Variants in ITIH5 observed in about 807,000 individuals in gnomAD.
ITIH5 encodes inter-alpha-trypsin inhibitor heavy chain 5.
Under a neutral mutation model 77.5 loss-of-function variants are expected in ITIH5, and 65 were observed. The observed-to-expected ratio is 0.84, with a 90% CI of 0.69 to 1.03. The LOEUF is 1.03. Among genes scored for constraint, ITIH5 ranks in the 50% least tolerant of loss-of-function variants. The pLI is 0.00. For missense variants in ITIH5, 1,208 were observed against 1,213.1 expected, an observed-to-expected ratio of 1.00 and a Z score of 0.06; for synonymous variants, 525 against 494.3, an observed-to-expected ratio of 1.06 and a Z score of -0.82.
In ITIH5 at chr10:7,572,771, C is replaced by CTTTTTT. The variant is rs528912890; in HGVS notation, c.2032+365_2032+370dup. 7.3e-3 allele frequency: 647 copies of CTTTTTT among 88,264 alleles called. 23 individuals are homozygous for CTTTTTT. Among genetic ancestry groups the CTTTTTT allele is most frequent in the Non-Finnish European group, 8.7e-3 (410 of 47,208 alleles). 5.5% of individuals were successfully genotyped at this position (88,264 alleles called of 1,614,324 possible). On this transcript the variant is annotated intron_variant, in intron 11 of 13. Transcript: ENST00000397146. ...GCTTCAAGGAATTCTTGGTTTTACACTTTTTTTTTTTTTTTTTTTTTTTGA... is the reference window on the plus strand; with the variant it reads ...GCTTCAAGGAATTCTTGGTTTTACACTTTTTTTTTTTTTTTTTTTTTTTTTTTTTGA...
At chr10:7,610,190 T>G (rs1336482206) in intron 7 of ITIH5, among the ~76,000 whole-genome samples, 1 of 151,136 alleles carries the variant, frequency 6.6e-6, no homozygotes, top group African/African-American at 2.4e-5. Flanking sequence ...CAAACTCATC[T>G]GCAAAAGCAC....
intron 2 of ITIH5, among the ~76,000 whole-genome samples, chr10:7,642,339 A>G (rs1398094316): frequency 3.9e-5 from 6 of 152,186 alleles, no homozygotes; most frequent in Non-Finnish European, 7.3e-5. Context: ...CCTGACTTTA[A>G]CAAGTGAACA....
At chr10:7,566,724 T>TTA (rs1302520400) in intron 12 of ITIH5, among the ~76,000 whole-genome samples, 4 of 9,164 alleles carry the variant, frequency 4.4e-4, no homozygotes, top group African/African-American at 1.3e-3. Flanking sequence ...CCTATCTCAT[T>TTA]AAAAAAAAAA....
intron 1 of ITIH5, among the ~76,000 whole-genome samples, chr10:7,666,053 A>T (rs1834356353): frequency 6.6e-6 from 1 of 152,214 alleles, no homozygotes; most frequent in Non-Finnish European, 1.5e-5. Flanking sequence ...AAATATTTAA[A>T]TGGCATGTGT....
chr10:7,577,039 G>C, intron 9 of ITIH5, 27 bp from the exon 10 acceptor site: 3 of 1,577,610 alleles, frequency 1.9e-6, no homozygotes, highest in Non-Finnish European at 2.6e-6. Context: ...GGGAGGGAGG[G>C]AGATCAGGGC....
rs922970382 is a variant in ITIH5, at chr10:7,614,628, T to C, written c.939+1354A>G. On this transcript the variant is annotated intron_variant, in intron 7 of 13. Coordinates refer to ENST00000397146, the MANE Select transcript of ITIH5 (RefSeq NM_030569.7). The stretch of plus-strand genomic sequence containing the variant: ...GACAATAGTTAAACCCTAGTCTCAC[T>C]TCATATTTTGAAATATGTTTTTGCT... Among the ~76,000 whole-genome samples the C allele has an allele frequency of 5.9e-5, 9 of 152,312 alleles. No individual in the cohort carries two copies. The East Asian group carries it at 1.7e-3, about 29-fold the overall frequency.
At chr10:7,632,147 T>C (rs1564271287) in intron 5 of ITIH5, among the ~76,000 whole-genome samples, 1 of 152,168 alleles carries the variant, frequency 6.6e-6, no homozygotes, top group Non-Finnish European at 1.5e-5. Context: ...GATTTTGATA[T>C]AGTTAATATT....
chr10:7,606,858 T>C (rs1406901677), intron 7 of ITIH5, among the ~76,000 whole-genome samples: 1 of 152,242 alleles, frequency 6.6e-6, no homozygotes, highest in Non-Finnish European at 1.5e-5. Context: ...CTCTAATTTA[T>C]TTTAAATTAT....
At chr10:7,585,539 A>C (rs1832654978) in intron 8 of ITIH5, among the ~76,000 whole-genome samples, 1 of 152,210 alleles carries the variant, frequency 6.6e-6, no homozygotes, top group South Asian at 2.1e-4. Context: ...CGCACGAAAC[A>C]CTGGCTGGTC....
Position 7,637,229 on chromosome 10 carries a change from T to A in ITIH5, c.651A>T (p.Glu217Asp). ...ACGAACCCAGCACGCAGGACTCACC[T>A]TCCCCGCGCCCACTGCCCCTCTGCC... ...NSRQRGSGRGEDDSGPPPSTV... is the reference protein window; with the variant it reads ...NSRQRGSGRGDDDSGPPPSTV... Residue 217 changes from glutamate to aspartate, a missense_variant and splice_region_variant, in exon 5 of 14, where the codon GAA becomes GAT. Physicochemically the swap from Glu to Asp is conservative, Grantham distance 45. Coordinates refer to ENST00000397146, the MANE Select transcript of ITIH5 (RefSeq NM_030569.7). 1 of 1,606,238 alleles carries A rather than the reference T, an allele frequency of 6.2e-7. No homozygotes were observed. The highest frequency in any genetic ancestry group is 8.5e-7 in the Non-Finnish European group (1 of 1,179,648).
At chr10:7,581,693 T>C (rs1197180758) in intron 8 of ITIH5, among the ~76,000 whole-genome samples, 1 of 151,080 alleles carries the variant, frequency 6.6e-6, no homozygotes, top group Non-Finnish European at 1.5e-5. Flanking sequence ...TTAAAAAGAA[T>C]GTTCCCATGT....
intron 1 of ITIH5, among the ~76,000 whole-genome samples, chr10:7,661,929 T>C (rs1834282835): frequency 6.6e-6 from 1 of 152,132 alleles, no homozygotes. Flanking sequence ...CTTGAACTCC[T>C]GGGCTCAAGC....
At chr10:7,645,781 CA>C (rs1834000978) in intron 2 of ITIH5, among the ~76,000 whole-genome samples, 1 of 152,128 alleles carries the variant, frequency 6.6e-6, no homozygotes, top group African/African-American at 2.4e-5. Context: ...AAAGAGACTC[CA>C]ACATGTAGCT....
chr10:7,644,398 CATAT>C (rs1258451104), intron 2 of ITIH5, among the ~76,000 whole-genome samples: 1 of 123,262 alleles, frequency 8.1e-6, no homozygotes, highest in South Asian at 2.7e-4. Context: ...ACATATATCA[CATAT>C]ATCACATATA....
intron 5 of ITIH5, among the ~76,000 whole-genome samples, chr10:7,629,424 T>C (rs1833673673): frequency 6.6e-6 from 1 of 150,816 alleles, no homozygotes; most frequent in African/African-American, 2.4e-5. Flanking sequence ...TGTTGTAGCG[T>C]GTGTCCGTGT....
Position 7,655,694 on chromosome 10 carries a change from T to G in ITIH5, c.91-19A>C. Reference sequence around the variant, plus strand: ...GTCCATCCTAGAAAAGAGAAGAGACTGTTAAAAAGGTGATTTTTAAAAGAG... The same window carrying G: ...GTCCATCCTAGAAAAGAGAAGAGACGGTTAAAAAGGTGATTTTTAAAAGAG... On this transcript the variant is annotated intron_variant, in intron 1 of 13. Coordinates refer to ENST00000397146, the MANE Select transcript of ITIH5 (RefSeq NM_030569.7). The G allele has an allele frequency of 6.3e-7, 1 of 1,599,246 alleles. No homozygotes were observed. The highest frequency in any genetic ancestry group is 8.6e-7 in the Non-Finnish European group (1 of 1,167,050).
chr10:7,567,483 C>T (rs971458171), intron 12 of ITIH5, among the ~76,000 whole-genome samples: 1 of 144,026 alleles, frequency 6.9e-6, no homozygotes, highest in African/African-American at 2.6e-5. Context: ...TGCTATCCCG[C>T]CCCCCTACCC....
chr10:7,582,069 G>GA (rs1832573438), intron 8 of ITIH5, among the ~76,000 whole-genome samples: 1 of 151,550 alleles, frequency 6.6e-6, no homozygotes, highest in African/African-American at 2.4e-5. Flanking sequence ...GTAGAGACGG[G>GA]TTTCACCATG....
chr10:7,651,531 C>T (rs989146133), intron 2 of ITIH5, among the ~76,000 whole-genome samples: 1 of 152,078 alleles, frequency 6.6e-6, no homozygotes, highest in African/African-American at 2.4e-5. Flanking sequence ...TCACTTGAAC[C>T]CAGGAAGTGG....
Sources: gnomAD v4.1 joint callset for allele counts (sites outside exome capture counted in the v4.1 genomes callset) on GRCh38, gnomAD v4.1.1 for gene constraint, MANE v1.5 for transcripts, NCBI Gene and HGNC (gene_info 2026-07-23, HGNC 2026-07-21) for gene names.